CNTNAP5: variants seen among roughly 807,000 people sequenced by gnomAD.
The protein encoded by CNTNAP5 is contactin-associated protein-like 5.
Under a neutral mutation model 150.2 loss-of-function variants are expected in CNTNAP5, and 72 were observed. That is an observed-to-expected ratio of 0.48 (90% CI 0.40 to 0.58). CNTNAP5 has a LOEUF of 0.58. Ranked by LOEUF, CNTNAP5 falls within the 20% of genes least tolerant of loss-of-function variation. The pLI, the probability that CNTNAP5 is intolerant of heterozygous loss-of-function variation, is 0.00. For missense variants in CNTNAP5, 1,636 were observed against 1,626.2 expected, an observed-to-expected ratio of 1.01 and a Z score of -0.10; for synonymous variants, 672 against 619.8, an observed-to-expected ratio of 1.08 and a Z score of -1.25.
At chr2:124,408,985 T>A (rs1349686512) in intron 3 of CNTNAP5, among the ~76,000 whole-genome samples, 1 of 144,664 alleles carries the variant, frequency 6.9e-6, no homozygotes, top group Non-Finnish European at 1.5e-5. Context: ...TTGAAAACTT[T>A]GAAAAAAATT....
intron 1 of CNTNAP5, among the ~76,000 whole-genome samples, chr2:124,138,410 T>A (rs187924509): frequency 1.3e-5 from 2 of 152,362 alleles, no homozygotes; most frequent in Admixed American, 1.3e-4. Context: ...GGGAGCCTTG[T>A]ACTCTTAATG....
intron 11 of CNTNAP5, among the ~76,000 whole-genome samples, chr2:124,587,202 T>C (rs1201444842): frequency 6.6e-6 from 1 of 152,210 alleles, no homozygotes; most frequent in Non-Finnish European, 1.5e-5. Flanking sequence ...TAGTTCCATG[T>C]GCTATAATCA....
chr2:124,118,096 T>C (rs888446962), intron 1 of CNTNAP5, among the ~76,000 whole-genome samples: 1 of 152,152 alleles, frequency 6.6e-6, no homozygotes, highest in Non-Finnish European at 1.5e-5. Context: ...AATGACACTA[T>C]TCTTTTAAAA....
intron 1 of CNTNAP5, among the ~76,000 whole-genome samples, chr2:124,190,530 C>T (rs1406239095): frequency 6.6e-6 from 1 of 152,130 alleles, no homozygotes; most frequent in Non-Finnish European, 1.5e-5. Flanking sequence ...TTACAAACAA[C>T]CACTTCCTGG....
intron 13 of CNTNAP5, among the ~76,000 whole-genome samples, chr2:124,690,144 A>G (rs1054180103): frequency 2.0e-5 from 3 of 152,118 alleles, no homozygotes; most frequent in Admixed American, 6.6e-5. Flanking sequence ...TAAAAAAAAT[A>G]AAATCATCTA....
At chr2:124,602,273 C>T (rs895081858) in intron 11 of CNTNAP5, among the ~76,000 whole-genome samples, 5 of 137,296 alleles carry the variant, frequency 3.6e-5, no homozygotes, top group Non-Finnish European at 4.5e-5. Context: ...ACCAGGAAGT[C>T]GGAGGTTGTA....
At chr2:124,265,018 T>G (rs1029603501) in intron 3 of CNTNAP5, among the ~76,000 whole-genome samples, 1 of 152,240 alleles carries the variant, frequency 6.6e-6, no homozygotes, top group African/African-American at 2.4e-5. Flanking sequence ...ACAGAGTGGC[T>G]GTTCTCACCC....
chr2:124,127,474 G>T (rs1181827064), intron 1 of CNTNAP5, among the ~76,000 whole-genome samples: 3 of 152,052 alleles, frequency 2.0e-5, no homozygotes. Context: ...CATGAAAATG[G>T]CCATACTGCC....
intron 13 of CNTNAP5, among the ~76,000 whole-genome samples, chr2:124,726,461 C>T (rs1286864347): frequency 6.6e-6 from 1 of 152,144 alleles, no homozygotes. Flanking sequence ...TTTGCTTTCC[C>T]CTAAGATTGT....
chr2:124,260,248 C>T (rs1360766093), intron 3 of CNTNAP5, among the ~76,000 whole-genome samples: 1 of 152,066 alleles, frequency 6.6e-6, no homozygotes, highest in Non-Finnish European at 1.5e-5. Context: ...ACAAACCGGA[C>T]AAGAACTAGA....
chr2:124,155,205 G>A (rs190651975), intron 1 of CNTNAP5, among the ~76,000 whole-genome samples: 13 of 150,526 alleles, frequency 8.6e-5, no homozygotes, highest in Non-Finnish European at 1.6e-4. Context: ...TGCAAAATGA[G>A]TCTATTCCAT....
intron 6 of CNTNAP5, among the ~76,000 whole-genome samples, chr2:124,469,576 A>T (rs570134195): frequency 5.9e-4 from 89 of 151,366 alleles, no homozygotes; most frequent in African/African-American, 1.7e-3. Flanking sequence ...TTACATTTTT[A>T]AATTTTATGT....
chr2:124,172,622 C>T (rs1684960370), intron 1 of CNTNAP5, among the ~76,000 whole-genome samples: 1 of 152,170 alleles, frequency 6.6e-6, no homozygotes, highest in Non-Finnish European at 1.5e-5. Context: ...CCATGTTGCT[C>T]AAGCTGATCT....
intron 14 of CNTNAP5, among the ~76,000 whole-genome samples, chr2:124,748,997 G>T (rs940094181): frequency 1.3e-5 from 2 of 152,102 alleles, no homozygotes. Context: ...CCTGGGTGGA[G>T]GCCATGTCTC....
intron 14 of CNTNAP5, 108 bp downstream of exon 14, chr2:124,747,493 GC>G: frequency 2.3e-6 from 3 of 1,311,220 alleles, no homozygotes; most frequent in Non-Finnish European, 3.3e-6. Context: ...ACAAACTGGA[GC>G]TCCCCCGATG....
chr2:124,036,718 G>T (rs1681231355), intron 1 of CNTNAP5, among the ~76,000 whole-genome samples: 1 of 152,106 alleles, frequency 6.6e-6, no homozygotes, highest in African/African-American at 2.4e-5. Flanking sequence ...CTGTGCCAAG[G>T]TTGGTACTTG....
chr2:124,691,739 C>T (rs1215811614), intron 13 of CNTNAP5, among the ~76,000 whole-genome samples: 1 of 151,978 alleles, frequency 6.6e-6, no homozygotes, highest in Non-Finnish European at 1.5e-5. Context: ...AGACCATGAA[C>T]TTCTGTGATC....
intron 4 of CNTNAP5, among the ~76,000 whole-genome samples, chr2:124,433,224 T>C (rs1692435647): frequency 6.6e-6 from 1 of 152,124 alleles, no homozygotes; most frequent in African/African-American, 2.4e-5. Flanking sequence ...AGTGCATTGA[T>C]GAGGTAGGGA....
intron 7 of CNTNAP5, among the ~76,000 whole-genome samples, chr2:124,479,994 A>G (rs1419405169): frequency 2.6e-5 from 4 of 152,202 alleles, no homozygotes; most frequent in African/African-American, 9.7e-5. Flanking sequence ...GCTATTAATA[A>G]AAACATCTAT....
Sources: gnomAD v4.1 joint callset for allele counts (sites outside exome capture counted in the v4.1 genomes callset) on GRCh38, gnomAD v4.1.1 for gene constraint, MANE v1.5 for transcripts, NCBI Gene and HGNC (gene_info 2026-07-23, HGNC 2026-07-21) for gene names.